PDLIM5: variants seen among roughly 807,000 people sequenced by gnomAD.
The protein encoded by PDLIM5 is PDZ and LIM domain 5.
In PDLIM5, 34 loss-of-function variants were observed where a neutral mutation model predicts 64.2. The ratio of observed to expected loss-of-function variants is 0.53; its 90% CI spans 0.40 to 0.71. The LOEUF (loss-of-function observed/expected upper bound fraction) is 0.71. Ranked by LOEUF, PDLIM5 falls within the 30% of genes least tolerant of loss-of-function variation. The probability of loss-of-function intolerance (pLI) is 0.00; values close to 1 mark genes in which losing one functional copy is unlikely to be tolerated. For synonymous variants in PDLIM5, 253 were observed against 269.1 expected, an observed-to-expected ratio of 0.94 and a Z score of 0.59; for missense variants, 683 against 733.6, an observed-to-expected ratio of 0.93 and a Z score of 0.80.
At chr4:94,487,689 A>G (rs1437313476) in intron 2 of PDLIM5, among the ~76,000 whole-genome samples, 1 of 152,216 alleles carries the variant, frequency 6.6e-6, no homozygotes, top group Non-Finnish European at 1.5e-5. Context: ...ACATGTTACA[A>G]GTGTTCAGGA....
intron 9 of PDLIM5, among the ~76,000 whole-genome samples, chr4:94,648,326 G>GT (rs1043362877): frequency 1.3e-4 from 19 of 151,954 alleles, no homozygotes; most frequent in African/African-American, 2.9e-4. Context: ...ACAGGTTTTT[G>GT]TTTTTTGTTT....
intron 2 of PDLIM5, among the ~76,000 whole-genome samples, chr4:94,474,206 T>A (rs549484157): frequency 1.3e-5 from 2 of 152,324 alleles, no homozygotes; most frequent in Admixed American, 1.3e-4. Context: ...TTGGTGTCAT[T>A]CAGTGGATGA....
At chr4:94,482,214 G>A (rs1480182497) in intron 2 of PDLIM5, among the ~76,000 whole-genome samples, 1 of 151,486 alleles carries the variant, frequency 6.6e-6, no homozygotes, top group Admixed American at 6.6e-5. Context: ...CTGTCACCCA[G>A]GCTAGAGTGC....
At chr4:94,468,048 A>C (rs1259440814) in intron 2 of PDLIM5, among the ~76,000 whole-genome samples, 1 of 152,242 alleles carries the variant, frequency 6.6e-6, no homozygotes, top group African/African-American at 2.4e-5. Flanking sequence ...AGACCAATGC[A>C]AAGTTTTAAT....
intron 3 of PDLIM5, among the ~76,000 whole-genome samples, chr4:94,529,020 T>C (rs1214498486): frequency 2.6e-5 from 4 of 152,164 alleles, no homozygotes; most frequent in African/African-American, 4.8e-5. Flanking sequence ...TGGTTAGAAG[T>C]AAGGTCAGAG....
intron 2 of PDLIM5, among the ~76,000 whole-genome samples, chr4:94,511,357 A>G (rs894738147): frequency 1.3e-5 from 2 of 151,984 alleles, no homozygotes; most frequent in Admixed American, 6.6e-5. Context: ...GTAGGTGTAT[A>G]TATTTATCGG....
chr4:94,452,830 T>G (rs1473356028), intron 1 of PDLIM5, among the ~76,000 whole-genome samples: 1 of 152,110 alleles, frequency 6.6e-6, no homozygotes, highest in Non-Finnish European at 1.5e-5. Flanking sequence ...AAACGGCCCG[T>G]TCGGTAGCCT....
At chr4:94,564,050 A>C (rs1578383815) in intron 3 of PDLIM5, among the ~76,000 whole-genome samples, 1 of 140,236 alleles carries the variant, frequency 7.1e-6, no homozygotes, top group Admixed American at 7.8e-5. Flanking sequence ...TACAGCCTCC[A>C]CCTCCCAGGT....
In PDLIM5 at chr4:94,468,083, G is replaced by A. The variant is rs548083502; in HGVS notation, c.96+12699G>A. Among the ~76,000 whole-genome samples, 18 of 152,268 alleles carry A rather than the reference G, an allele frequency of 1.2e-4. No individual in the cohort carries two copies. The South Asian group carries it at 3.5e-3, about 30-fold the overall frequency. ...TTATGAAGTAAGGAAACTGATTTTT[G>A]TATGACTTGATGGTGGGATTTAGAA... On this transcript the variant is annotated intron_variant, in intron 2 of 12. Coordinates refer to ENST00000317968, the MANE Select transcript of PDLIM5 (RefSeq NM_006457.5).
Position 94,607,929 on chromosome 4 carries a change from T to C in PDLIM5, c.921-10075T>C, listed in dbSNP as rs568074963. 149 of 511,104 alleles carry C rather than the reference T, an allele frequency of 2.9e-4. 3 individuals carry two copies. In the South Asian group the frequency reaches 3.8e-3, roughly 13 times the overall value. The allele number at this position is 511,104 out of a possible 1,614,324, so 31.7% of individuals were successfully genotyped here. On this transcript the variant is annotated intron_variant, in intron 7 of 12. Transcript: ENST00000317968. ...GTTTTAACCATTTGTAGATGTGAAG[T>C]AAAAGAAAACCAATAGTGTTCCCAA...
Position 94,664,938 on chromosome 4 carries a change from A to T in PDLIM5, c.*871A>T. ...ATCATTCTAGTAGGAAAGGACAATAAGATTTTTTATCAAAATGTGTCATGC... is the reference window on the plus strand; with the variant it reads ...ATCATTCTAGTAGGAAAGGACAATATGATTTTTTATCAAAATGTGTCATGC... On this transcript the variant is annotated 3_prime_UTR_variant, in exon 13 of 13. Transcript: ENST00000317968. The T allele has an allele frequency of 3.1e-6, 3 of 982,212 alleles. No individual in the cohort carries two copies. Among genetic ancestry groups the T allele is most frequent in the Non-Finnish European group, 3.6e-6 (3 of 827,024 alleles). 60.8% of individuals were successfully genotyped at this position (982,212 alleles called of 1,614,324 possible). A position where few individuals can be genotyped will look rare whatever the true frequency, so the allele number is the denominator to read the frequency against.
intron 8 of PDLIM5, among the ~76,000 whole-genome samples, chr4:94,623,063 A>T (rs1367306730): frequency 2.0e-5 from 3 of 152,204 alleles, no homozygotes; most frequent in African/African-American, 7.2e-5. Flanking sequence ...AGATACTTAG[A>T]GGATACTCAG....
chr4:94,455,801 T>G lies in PDLIM5; in HGVS notation c.96+417T>G, dbSNP rs1203547215. 2.6e-6 allele frequency: 4 copies of G among 1,510,260 alleles called. No homozygotes were observed. In the Admixed American group the frequency reaches 5.9e-5, roughly 22 times the overall value. 93.6% of individuals were successfully genotyped at this position (1,510,260 alleles called of 1,614,324 possible). ...ATCAAAATTGAATAAAATGATTGTT[T>G]CGGAATTATTTCCTCAGCTCACTTT... On this transcript the variant is annotated intron_variant, in intron 2 of 12. Coordinates refer to ENST00000317968, the MANE Select transcript of PDLIM5 (RefSeq NM_006457.5).
intron 5 of PDLIM5, chr4:94,582,472 G>T: frequency 2.3e-6 from 1 of 429,380 alleles, no homozygotes; most frequent in Non-Finnish European, 4.1e-6. Context: ...CTGTTGTCTT[G>T]ATTATAACAG....
At chr4:94,507,232 GAT>G (rs368977843) in intron 2 of PDLIM5, among the ~76,000 whole-genome samples, 40 of 150,874 alleles carry the variant, frequency 2.7e-4, no homozygotes, top group South Asian at 1.3e-3. Flanking sequence ...ATATATATGG[GAT>G]ATATATATAT....
chr4:94,651,437 A>G (rs1319534293), intron 9 of PDLIM5, among the ~76,000 whole-genome samples: 1 of 152,230 alleles, frequency 6.6e-6, no homozygotes, highest in Non-Finnish European at 1.5e-5. Flanking sequence ...GTTTTAATTT[A>G]TGTATTTATA....
At chr4:94,573,888 C>G (rs1735021885) in intron 4 of PDLIM5, among the ~76,000 whole-genome samples, 1 of 152,100 alleles carries the variant, frequency 6.6e-6, no homozygotes, top group Non-Finnish European at 1.5e-5. Flanking sequence ...TGGGGGCTTT[C>G]TCCCTAATTT....
At chr4:94,501,688 C>T (rs1486029048) in intron 2 of PDLIM5, among the ~76,000 whole-genome samples, 1 of 152,148 alleles carries the variant, frequency 6.6e-6, no homozygotes, top group African/African-American at 2.4e-5. Context: ...ACAATCCTCA[C>T]AGTTTGAGAA....
intron 3 of PDLIM5, among the ~76,000 whole-genome samples, chr4:94,550,660 A>G (rs1046189595): frequency 4.6e-5 from 7 of 152,174 alleles, no homozygotes; most frequent in East Asian, 1.9e-4. Context: ...TTGGAACTCT[A>G]AAAGTTTGGA....
Sources: gnomAD v4.1 joint callset for allele counts (sites outside exome capture counted in the v4.1 genomes callset) on GRCh38, gnomAD v4.1.1 for gene constraint, MANE v1.5 for transcripts, NCBI Gene and HGNC (gene_info 2026-07-23, HGNC 2026-07-21) for gene names.